The following PASK variants were observed in gnomAD, a reference collection of about 807,000 sequenced individuals.
PASK encodes PAS domain-containing serine/threonine-protein kinase.
PASK carries 110 observed loss-of-function variants against 121.0 expected under a neutral mutation model. That is an observed-to-expected ratio of 0.91 (90% CI 0.78 to 1.06). The LOEUF (loss-of-function observed/expected upper bound fraction) is 1.06, where lower values mean the gene tolerates loss of function less well. Among genes scored for constraint, PASK ranks in the 50% least tolerant of loss-of-function variants. The probability of loss-of-function intolerance (pLI) is 0.00; values close to 1 mark genes in which losing one functional copy is unlikely to be tolerated. For missense variants in PASK, 1,643 were observed against 1,702.3 expected (o/e 0.97, Z 0.61); for synonymous variants, 686 against 717.8 (o/e 0.96, Z 0.71).
At chr2:241,147,980 C>T (rs938803174) in intron 1 of PASK, among the ~76,000 whole-genome samples, 1 of 152,170 alleles carries the variant, frequency 6.6e-6, no homozygotes, top group Non-Finnish European at 1.5e-5. Context: ...CCTGGAGCCT[C>T]CCGTGCACTC....
chr2:241,106,579 AGACG>A lies in PASK; in HGVS notation c.3955_3958del (p.Arg1319CysfsTer2), dbSNP rs758553845. The A allele has an allele frequency of 6.2e-7, 1 of 1,614,254 alleles. No homozygotes were observed. The highest frequency in any genetic ancestry group is 8.5e-7 in the Non-Finnish European group (1 of 1,180,038). On this transcript the variant is annotated frameshift_variant, in exon 18 of 18. Coordinates refer to ENST00000234040, the MANE Select transcript of PASK (RefSeq NM_015148.4). LOFTEE classifies it high-confidence loss of function. Reference sequence around the variant, plus strand: ...AGAAATTGGTGTTTAGCTGGTCAGCAGACGGGGATCCCCGGGATGCAAACAGCCT... The same window carrying A: ...AGAAATTGGTGTTTAGCTGGTCAGCAGGGATCCCCGGGATGCAAACAGCCT...
At chr2:241,140,331 A>T (rs2066645459) in intron 3 of PASK, among the ~76,000 whole-genome samples, 190 bp downstream of exon 3, 1 of 151,978 alleles carries the variant, frequency 6.6e-6, no homozygotes, top group South Asian at 2.1e-4. Context: ...CACCTGGCTA[A>T]TTTCTTTGTA....
intron 2 of PASK, among the ~76,000 whole-genome samples, chr2:241,141,337 G>T (rs1169030211): frequency 2.0e-5 from 3 of 152,118 alleles, no homozygotes; most frequent in African/African-American, 7.2e-5. Flanking sequence ...CCCACCTTCT[G>T]TCCTCTGTCA....
At chr2:241,118,053 C>G (rs1401368090) in intron 12 of PASK, among the ~76,000 whole-genome samples, 1 of 152,114 alleles carries the variant, frequency 6.6e-6, no homozygotes, top group Non-Finnish European at 1.5e-5. Context: ...GATCAGGAGA[C>G]TAAATATTGT....
chr2:241,123,935 T>C lies in PASK; in HGVS notation c.2904+14A>G, dbSNP rs13385610. 309,295 of 1,609,172 alleles carry C rather than the reference T, an allele frequency of 0.19. 40,933 individuals carry two copies. The highest frequency in any genetic ancestry group is 0.57 in the East Asian group (25,372 of 44,820). ...AAGGCAAGTCCAGGGCAGGCATTGA[T>C]TGCAAATACCCACTTCCACCAGGCT... On this transcript the variant is annotated intron_variant, in intron 11 of 17. Transcript: ENST00000234040.
intron 9 of PASK, among the ~76,000 whole-genome samples, chr2:241,127,981 G>T (rs1380308925): frequency 6.6e-6 from 1 of 152,150 alleles, no homozygotes; most frequent in Non-Finnish European, 1.5e-5. Flanking sequence ...CCACACAGAA[G>T]GGGCCAGGGG....
rs1205665390 is a variant in PASK, at chr2:241,139,878, C to T, written c.600+7G>A. ...CCAGACTGAACGCTGCACCCGCATCCACTCACCACCGTGCCAAACACCACC... is the reference window on the plus strand; with the variant it reads ...CCAGACTGAACGCTGCACCCGCATCTACTCACCACCGTGCCAAACACCACC... On this transcript the variant is annotated splice_region_variant and intron_variant, in intron 4 of 17. Transcript: ENST00000234040. 3 of 1,613,812 alleles carry T rather than the reference C, an allele frequency of 1.9e-6. No individual in the cohort carries two copies. Among genetic ancestry groups the T allele is most frequent in the Admixed American group, 3.3e-5 (2 of 60,030 alleles).
rs367981780 is a variant in PASK, at chr2:241,112,480, T to C, written c.3334-41A>G. The C allele has an allele frequency of 7.4e-7, 1 of 1,351,970 alleles. No homozygotes were observed. Among genetic ancestry groups the C allele is most frequent in the South Asian group, 1.2e-5 (1 of 82,322 alleles). 83.7% of individuals were successfully genotyped at this position (1,351,970 alleles called of 1,614,324 possible). On this transcript the variant is annotated intron_variant, in intron 14 of 17. Coordinates refer to ENST00000234040, the MANE Select transcript of PASK (RefSeq NM_015148.4). This position sits in a 1 kb window ranked among gnomAD's most constrained non-coding sequence, Gnocchi z 5.2. ...CAGAGGGGGCTTTTTAAAAAAGCAA[T>C]TCAACTAAAATATGCATTTAAAATA...
intron 9 of PASK, among the ~76,000 whole-genome samples, chr2:241,129,022 C>A (rs1447796075): frequency 6.6e-6 from 1 of 151,918 alleles, no homozygotes; most frequent in African/African-American, 2.4e-5. Context: ...TGTCTCCCGC[C>A]TCTCTCCCTC....
chr2:241,114,208 G>A (rs897729949), intron 14 of PASK: 32 of 985,034 alleles, frequency 3.2e-5, no homozygotes, highest in Non-Finnish European at 3.7e-5. Context: ...CTTTTTTGCA[G>A]AACCATAATA....
At position 241,107,516 on chromosome 2, in the gene PASK, C is replaced by T. The variant is rs1245948595; in HGVS notation, c.3668-17G>A. The stretch of plus-strand genomic sequence containing the variant: ...TCATGAGTTCTGGGGACACAAAGAA[C>T]ACAGATGGTAGGTCCAGATTGGGAT... On this transcript the variant is annotated splice_polypyrimidine_tract_variant and intron_variant, in intron 16 of 17. Coordinates refer to ENST00000234040, the MANE Select transcript of PASK (RefSeq NM_015148.4). 7 of 1,613,214 alleles carry T rather than the reference C, an allele frequency of 4.3e-6. No homozygotes were observed. Among genetic ancestry groups the T allele is most frequent in the Non-Finnish European group, 5.9e-6 (7 of 1,179,526 alleles).
chr2:241,106,768 G>A (rs369208565), intron 17 of PASK, 45 bp from the exon 18 acceptor site: 1 of 1,593,900 alleles, frequency 6.3e-7, no homozygotes, highest in African/African-American at 1.3e-5. Flanking sequence ...AACAACTTAA[G>A]GTTCTAAAAT....
At chr2:241,139,679 C>A (rs16843370) in intron 4 of PASK, 1 of 707,234 alleles carries the variant, frequency 1.4e-6, no homozygotes, top group East Asian at 2.7e-5. Context: ...TCCATTCCTG[C>A]GATGATTCGT....
chr2:241,149,423 G>A lies in PASK; in HGVS notation c.-52C>T. 1 of 536,528 alleles carries A rather than the reference G, an allele frequency of 1.9e-6. No homozygotes were observed. Among genetic ancestry groups the A allele is most frequent in the East Asian group, 3.4e-5 (1 of 29,840 alleles). 33.2% of individuals were successfully genotyped at this position (536,528 alleles called of 1,614,324 possible). A position where few individuals can be genotyped will look rare whatever the true frequency, so the allele number is the denominator to read the frequency against. ...AGCGCAGGTATCTCACCTGGATCAGGCGAGGGTCACGCCAAGCCGGCTACA... is the reference window on the plus strand; with the variant it reads ...AGCGCAGGTATCTCACCTGGATCAGACGAGGGTCACGCCAAGCCGGCTACA... On this transcript the variant is annotated 5_prime_UTR_variant, in exon 1 of 18. Transcript: ENST00000234040.
At chr2:241,149,805 G>A (rs1261000169), upstream of PASK, 2 of 1,532,064 alleles carry the variant, frequency 1.3e-6, no homozygotes, top group East Asian at 2.5e-5. Flanking sequence ...CAGGGTAGAC[G>A]AAGGCTGCAG....
At chr2:241,120,597 C>T (rs933109355) in intron 12 of PASK, among the ~76,000 whole-genome samples, 1 of 152,134 alleles carries the variant, frequency 6.6e-6, no homozygotes, top group Non-Finnish European at 1.5e-5. Flanking sequence ...CATTAGTCAT[C>T]AGGGAAATGC....
intron 7 of PASK, among the ~76,000 whole-genome samples, chr2:241,136,492 CG>C (rs1229613389): frequency 1.3e-5 from 2 of 152,106 alleles, no homozygotes; most frequent in African/African-American, 4.8e-5. Flanking sequence ...GCCCCCTCAC[CG>C]GGACACTGCC....
At position 241,142,970 on chromosome 2, in the gene PASK, G is replaced by C. The variant is rs1450336678; in HGVS notation, c.63C>G (p.Pro21=). The C allele has an allele frequency of 6.2e-7, 1 of 1,613,872 alleles. No individual in the cohort carries two copies. The highest frequency in any genetic ancestry group is 2.2e-5 in the East Asian group (1 of 44,894). ...EDQRCLSQSL[P]LPVSAEGPAA... is the part of the protein sequence containing the mutation. ...CTGGGCCCTCTGCTGACACTGGCAA[G>C]GGGAGGCTCTGGGAAAGGCATCTCT... Residue 21 remains proline (P), a synonymous_variant, in exon 2 of 18, where the codon CCC becomes CCG. Coordinates refer to ENST00000234040, the MANE Select transcript of PASK (RefSeq NM_015148.4).
chr2:241,137,158 T>G lies in PASK; in HGVS notation c.983A>C (p.Glu328Ala). The change falls in exon 7 of 18, where the codon GAG (glutamate) becomes GCG (alanine). Residue 328 changes from glutamate to alanine, a missense_variant. Around this residue, in one of 3 missense-constraint regions of PASK, gnomAD observed 1,176 missense variants for 1,162.2 expected, o/e 1.01. Coordinates refer to ENST00000234040, the MANE Select transcript of PASK (RefSeq NM_015148.4). ...CCGGTAGCCGCTCACAGGGGCCGCC[T>G]CACCGGTGGTCGCCTCCTCGCTGCT... ...QPSSEEATTG[E>A]AAPVSGYRAS... is the part of the protein sequence containing the mutation. The G allele has an allele frequency of 6.2e-7, 1 of 1,613,236 alleles. No individual in the cohort carries two copies.
Sources: gnomAD v4.1 joint callset for allele counts (sites outside exome capture counted in the v4.1 genomes callset) on GRCh38, gnomAD v4.1.1 for gene constraint, gnomAD v4.1.1 regional missense constraint, Gnocchi (gnomAD v3.1) non-coding constraint, MANE v1.5 for transcripts, NCBI Gene and HGNC (gene_info 2026-07-23, HGNC 2026-07-21) for gene names.